Variants in GPR89B observed in about 807,000 individuals in gnomAD.
GPR89B encodes golgi pH regulator B.
GPR89B carries 25 observed loss-of-function variants against 52.4 expected under a neutral mutation model. The ratio of observed to expected loss-of-function variants is 0.48; its 90% CI spans 0.35 to 0.67. The LOEUF is 0.67. Among genes scored for constraint, GPR89B ranks in the 30% least tolerant of loss-of-function variants. The probability of loss-of-function intolerance (pLI) is 0.01; values close to 1 mark genes in which losing one functional copy is unlikely to be tolerated. For missense variants in GPR89B, 146 were observed against 450.2 expected (o/e 0.32, Z 6.11); for synonymous variants, 52 against 151.2 (o/e 0.34, Z 4.81).
chr1:147,958,270 A>G (rs1425802887), intron 7 of GPR89B, among the ~76,000 whole-genome samples: 3 of 152,110 alleles, frequency 2.0e-5, no homozygotes, highest in Non-Finnish European at 4.4e-5. Flanking sequence ...AAGATTATTC[A>G]AAAGTGAAAG....
intron 5 of GPR89B, among the ~76,000 whole-genome samples, chr1:147,946,583 G>A (rs1553249830): frequency 6.6e-6 from 1 of 151,878 alleles, no homozygotes. Context: ...TCAGAGAGAA[G>A]AGTTAGAAAA....
chr1:147,952,098 A>G (rs1219429717), intron 5 of GPR89B, among the ~76,000 whole-genome samples: 1 of 152,102 alleles, frequency 6.6e-6, no homozygotes, highest in Non-Finnish European at 1.5e-5. Context: ...GGACAAAGGT[A>G]GGAAAAATAA....
At chr1:148,014,987 G>A in the GPR89B span, 4 of 151,782 alleles carry the variant, frequency 2.6e-5, no homozygotes, top group East Asian at 7.8e-4. Flanking sequence ...CAATTGTTCT[G>A]CAAAAGACGG....
At chr1:148,019,083 T>A in the GPR89B span, among the ~76,000 whole-genome samples, 2 of 151,726 alleles carry the variant, frequency 1.3e-5, no homozygotes, top group African/African-American at 4.9e-5. Context: ...TTCAAGGGAT[T>A]CTTCTGCCTC....
chr1:148,011,376 TG>T, the GPR89B span: 1,205 of 152,346 alleles, frequency 7.9e-3, 24 homozygotes, highest in East Asian at 0.047. Flanking sequence ...TTTGGAGTAC[TG>T]GGAACTAAAT....
intron 5 of GPR89B, among the ~76,000 whole-genome samples, chr1:147,945,740 C>A (rs1397294624): frequency 7.0e-6 from 1 of 142,238 alleles, no homozygotes; most frequent in African/African-American, 2.6e-5. Context: ...TTTTTTTTTT[C>A]TTTTTGAGAC....
At chr1:148,008,323 C>CT in the GPR89B span, among the ~76,000 whole-genome samples, 20 of 151,964 alleles carry the variant, frequency 1.3e-4, no homozygotes, top group African/African-American at 2.9e-4. Context: ...TTATGATTTT[C>CT]TTTTTTTTAC....
chr1:147,970,618 G>A (rs1194143228), intron 10 of GPR89B, among the ~76,000 whole-genome samples: 1 of 148,928 alleles, frequency 6.7e-6, no homozygotes, highest in Non-Finnish European at 1.5e-5. Flanking sequence ...TCTGCTTTCT[G>A]TGTTACCCAT....
intron 7 of GPR89B, among the ~76,000 whole-genome samples, chr1:147,959,739 T>C (rs1190629792): frequency 1.3e-5 from 2 of 151,756 alleles, no homozygotes; most frequent in African/African-American, 2.4e-5. Flanking sequence ...CACCAAAGAG[T>C]CTGAGAAAAA....
At chr1:147,989,600 A>G (rs1415015942) in intron 12 of GPR89B, among the ~76,000 whole-genome samples, 11 of 151,890 alleles carry the variant, frequency 7.2e-5, no homozygotes, top group African/African-American at 2.4e-4. Flanking sequence ...CCCCACGACA[A>G]GCCTCGGTGT....
intron 12 of GPR89B, among the ~76,000 whole-genome samples, chr1:147,991,014 A>G (rs1290533435): frequency 5.2e-4 from 79 of 151,678 alleles, no homozygotes; most frequent in African/African-American, 1.8e-3. Context: ...TGGGGATGGC[A>G]TTGAATCTAT....
the GPR89B span, among the ~76,000 whole-genome samples, chr1:148,019,365 A>C: frequency 2.0e-5 from 3 of 151,390 alleles, no homozygotes; most frequent in African/African-American, 7.3e-5. Flanking sequence ...GCTGAATGCG[A>C]GAACACATGG....
chr1:147,942,105 T>C (rs1169416319), intron 3 of GPR89B, among the ~76,000 whole-genome samples: 1 of 152,044 alleles, frequency 6.6e-6, no homozygotes, highest in East Asian at 1.9e-4. Flanking sequence ...TATAAAGAAT[T>C]CTTACAGTTT....
intron 9 of GPR89B, 99 bp downstream of exon 9, chr1:147,969,062 ATACC>A (rs1657237513): frequency 1.2e-6 from 1 of 853,012 alleles, no homozygotes; most frequent in Non-Finnish European, 1.8e-6. Context: ...CAAGCAAGAG[ATACC>A]TCACAGCTTC....
chr1:147,951,478 C>G (rs1456014403), intron 5 of GPR89B, among the ~76,000 whole-genome samples: 5 of 151,956 alleles, frequency 3.3e-5, no homozygotes, highest in Non-Finnish European at 2.9e-5. Context: ...TTTTAAGAAG[C>G]CTGTCTATTA....
At chr1:147,962,691 G>T (rs1227833213) in intron 7 of GPR89B, among the ~76,000 whole-genome samples, 1 of 151,816 alleles carries the variant, frequency 6.6e-6, no homozygotes, top group Non-Finnish European at 1.5e-5. Context: ...AAGGTCAGGA[G>T]TTCAAGACTA....
intron 10 of GPR89B, among the ~76,000 whole-genome samples, chr1:147,970,459 T>C (rs1196996480): frequency 7.4e-5 from 11 of 149,556 alleles, no homozygotes; most frequent in Admixed American, 6.0e-4. Context: ...ATCACGCCAC[T>C]GCACTCCAGC....
intron 9 of GPR89B, chr1:147,969,448 A>C (rs1173958108): frequency 1.5e-5 from 3 of 200,994 alleles, no homozygotes; most frequent in Middle Eastern, 2.2e-3. Context: ...TGAAGATTGC[A>C]AACTTTTAAT....
intron 5 of GPR89B, among the ~76,000 whole-genome samples, chr1:147,949,617 G>C (rs1165549644): frequency 2.7e-4 from 37 of 138,588 alleles, no homozygotes; most frequent in Admixed American, 4.1e-4. Context: ...CTGACGGGGC[G>C]GGGGGCTGAC....
Sources: allele counts gnomAD v4.1 joint callset (sites outside exome capture counted in the v4.1 genomes callset), GRCh38; gene constraint gnomAD v4.1.1; transcripts MANE v1.5; gene names NCBI Gene and HGNC (gene_info 2026-07-23, HGNC 2026-07-21).